The following SMG6 variants were observed in gnomAD, a reference collection of about 807,000 sequenced individuals.
SMG6 encodes the protein SMG6 nonsense mediated mRNA decay factor.
A neutral mutation model predicts 142.2 loss-of-function variants in SMG6; 66 were observed. That is an observed-to-expected ratio of 0.46 (90% CI 0.38 to 0.57). SMG6 has a LOEUF of 0.57. Ranked by LOEUF, SMG6 falls within the 20% of genes least tolerant of loss-of-function variation. The probability of loss-of-function intolerance (pLI) is 0.00; values close to 1 mark genes in which losing one functional copy is unlikely to be tolerated. For missense variants in SMG6, 1,793 were observed against 1,832.0 expected, an observed-to-expected ratio of 0.98 and a Z score of 0.39; for synonymous variants, 779 against 702.4, an observed-to-expected ratio of 1.11 and a Z score of -1.72.
At chr17:2,258,058 C>CAA (rs1215537951) in intron 8 of SMG6, among the ~76,000 whole-genome samples, 1 of 95,100 alleles carries the variant, frequency 1.1e-5, no homozygotes, top group African/African-American at 3.4e-5. Flanking sequence ...CACACACACA[C>CAA]ACACACACAT....
chr17:2,285,040 G>T (rs2074874207), intron 6 of SMG6, among the ~76,000 whole-genome samples: 1 of 152,000 alleles, frequency 6.6e-6, no homozygotes, highest in Non-Finnish European at 1.5e-5. Flanking sequence ...ATTTTAATTT[G>T]CAGCATTTTT....
intron 12 of SMG6, among the ~76,000 whole-genome samples, chr17:2,183,855 GGACA>G (rs1260577478): frequency 1.3e-5 from 2 of 151,728 alleles, no homozygotes; most frequent in Non-Finnish European, 2.9e-5. Flanking sequence ...AGACAGGCCA[GGACA>G]GACAGACAGA....
intron 16 of SMG6, 31 bp from the exon 17 acceptor site, chr17:2,065,710 C>G: frequency 1.3e-6 from 2 of 1,571,096 alleles, no homozygotes; most frequent in Non-Finnish European, 1.7e-6. Context: ...AAGGTATCAG[C>G]CTCAGCAATC....
chr17:2,150,909 C>G (rs1346888321), intron 13 of SMG6, among the ~76,000 whole-genome samples: 1 of 152,086 alleles, frequency 6.6e-6, no homozygotes, highest in Non-Finnish European at 1.5e-5. Context: ...AATCCGTAAC[C>G]CAGCTGTGAC....
intron 10 of SMG6, chr17:2,215,823 G>T (rs956378023): frequency 9.4e-5 from 14 of 148,660 alleles, no homozygotes; most frequent in Admixed American, 5.4e-4. Flanking sequence ...GCCTGGAAAT[G>T]CGACTTTAAA....
rs781499588 is a variant in SMG6 at position 2,292,912 on chromosome 17, C to A, written c.2217G>T (p.Arg739=). Residue 739 remains arginine (R), a synonymous_variant, in exon 5 of 19, where the codon CGG becomes CGT. Transcript: ENST00000263073. ...MICQGDIARY[R]EQASDTANYG... is the part of the protein sequence containing the mutation. ...AATTCGCTGTATCACTGGCTTGCTC[C>A]CGGTACCTAGCAATATCTCCTTGGC... 5 of 1,614,148 alleles carry A rather than the reference C, an allele frequency of 3.1e-6. No individual in the cohort carries two copies. Among genetic ancestry groups the A allele is most frequent in the Non-Finnish European group, 4.2e-6 (5 of 1,180,014 alleles).
rs780978818 is a variant in SMG6, at chr17:2,172,640, G to A, written c.3357+18C>T. The A allele has an allele frequency of 1.2e-6, 2 of 1,612,252 alleles. No homozygotes were observed. Among genetic ancestry groups the A allele is most frequent in the Non-Finnish European group, 1.7e-6 (2 of 1,179,686 alleles). ...AGAGGAGGGGCGAATGGGGAGGGAT[G>A]TTTGGCCTGGGGCTGACCTTATCCG... On this transcript the variant is annotated intron_variant, in intron 13 of 18. Transcript: ENST00000263073.
intron 9 of SMG6, among the ~76,000 whole-genome samples, chr17:2,239,607 A>C (rs1005828010): frequency 6.6e-6 from 1 of 152,174 alleles, no homozygotes; most frequent in Non-Finnish European, 1.5e-5. Context: ...AAATTGAAAA[A>C]ATTTTACCAA....
At chr17:2,230,546 T>A (rs944920136) in intron 10 of SMG6, among the ~76,000 whole-genome samples, 1 of 152,144 alleles carries the variant, frequency 6.6e-6, no homozygotes, top group African/African-American at 2.4e-5. Context: ...CTCATTTCTT[T>A]GGCTTTTCCT....
chr17:2,193,453 C>T (rs1434818738), intron 10 of SMG6, among the ~76,000 whole-genome samples: 5 of 152,152 alleles, frequency 3.3e-5, no homozygotes, highest in African/African-American at 4.8e-5. Flanking sequence ...CAAGACAAGA[C>T]AGAAGAAGGT....
intron 18 of SMG6, 105 bp from the exon 19 acceptor site, chr17:2,061,727 T>G: frequency 7.7e-7 from 1 of 1,300,460 alleles, no homozygotes. Context: ...GGTGCCACGC[T>G]AGCCGTGTCT....
intron 15 of SMG6, among the ~76,000 whole-genome samples, chr17:2,075,778 A>G (rs4790871): frequency 6.6e-6 from 1 of 152,252 alleles, no homozygotes; most frequent in Non-Finnish European, 1.5e-5. Context: ...GTCTCAGGCA[A>G]CAAGACAGAG....
chr17:2,163,263 T>C (rs1353823873), intron 13 of SMG6, among the ~76,000 whole-genome samples: 1 of 152,136 alleles, frequency 6.6e-6, no homozygotes, highest in Non-Finnish European at 1.5e-5. Context: ...CACAGCTCAC[T>C]ACAGCCTCGA....
chr17:2,270,841 G>A (rs780094256), intron 8 of SMG6, among the ~76,000 whole-genome samples: 2 of 152,170 alleles, frequency 1.3e-5, no homozygotes, highest in Non-Finnish European at 2.9e-5. Flanking sequence ...GCTTCCTTAC[G>A]AAATGGGCAT....
intron 8 of SMG6, among the ~76,000 whole-genome samples, chr17:2,245,391 G>GT (rs1254486358): frequency 6.6e-6 from 1 of 151,962 alleles, no homozygotes; most frequent in African/African-American, 2.4e-5. Context: ...GGGTTTTTTT[G>GT]TTTTTGTTTT....
chr17:2,291,397 T>G (rs888425484), intron 6 of SMG6, among the ~76,000 whole-genome samples: 1 of 150,096 alleles, frequency 6.7e-6, no homozygotes, highest in Non-Finnish European at 1.5e-5. Context: ...ACTTTCTAAT[T>G]AACAGTTCAT....
At chr17:2,142,644 G>C (rs975980136) in intron 13 of SMG6, among the ~76,000 whole-genome samples, 5 of 152,114 alleles carry the variant, frequency 3.3e-5, no homozygotes, top group African/African-American at 1.2e-4. Flanking sequence ...AGCACTTTGG[G>C]AGGCTGAGGT....
chr17:2,171,732 C>G (rs1382787496), intron 13 of SMG6, among the ~76,000 whole-genome samples: 2 of 138,214 alleles, frequency 1.4e-5, no homozygotes, highest in African/African-American at 5.3e-5. Context: ...GGAATTTTTA[C>G]TTTTTTTTTT....
chr17:2,153,828 G>C lies in SMG6; in HGVS notation c.3357+18830C>G, dbSNP rs7225170. Among the ~76,000 whole-genome samples, 101 of 66,902 alleles carry C rather than the reference G, an allele frequency of 1.5e-3. 1 individual carries two copies. The highest frequency in any genetic ancestry group is 1.9e-3 in the Admixed American group (13 of 6,756). The allele number at this position is 66,902 out of a possible 152,430, so 43.9% of individuals were successfully genotyped here. ...TGACTGGGGGAACCTGGGGATGCAT[G>C]TAGAGTGTGACGGTGACTGGGAAAC... is the stretch of plus-strand genomic sequence containing the variant. On this transcript the variant is annotated intron_variant, in intron 13 of 18. Coordinates refer to ENST00000263073, the MANE Select transcript of SMG6 (RefSeq NM_017575.5).
Sources: gnomAD v4.1 joint callset for allele counts (sites outside exome capture counted in the v4.1 genomes callset) on GRCh38, gnomAD v4.1.1 for gene constraint, MANE v1.5 for transcripts, NCBI Gene and HGNC (gene_info 2026-07-23, HGNC 2026-07-21) for gene names.